The following PLPPR4 variants were observed in gnomAD, a reference collection of about 807,000 sequenced individuals.
The protein encoded by PLPPR4 is phospholipid phosphatase-related protein type 4.
PLPPR4 carries 24 observed loss-of-function variants against 56.6 expected under a neutral mutation model. The ratio of observed to expected loss-of-function variants is 0.42; its 90% CI spans 0.31 to 0.60. PLPPR4 has a LOEUF of 0.60. Among genes scored for constraint, PLPPR4 ranks in the 20% least tolerant of loss-of-function variants. PLPPR4 has a pLI of 0.13. For synonymous variants in PLPPR4, 326 were observed against 328.1 expected, an observed-to-expected ratio of 0.99 and a Z score of 0.07; for missense variants, 654 against 885.8, an observed-to-expected ratio of 0.74 and a Z score of 3.32.
intron 1 of PLPPR4, among the ~76,000 whole-genome samples, chr1:99,275,032 T>G (rs1294771058): frequency 6.6e-6 from 1 of 152,150 alleles, no homozygotes; most frequent in Non-Finnish European, 1.5e-5. Flanking sequence ...TTAAGGCAGT[T>G]GGATACACCC....
chr1:99,306,580 T>G lies in PLPPR4; in HGVS notation c.1718T>G (p.Val573Gly). 2 of 1,613,896 alleles carry G rather than the reference T, an allele frequency of 1.2e-6. No individual in the cohort carries two copies. The highest frequency in any genetic ancestry group is 1.7e-6 in the Non-Finnish European group (2 of 1,179,984). Residue 573 changes from valine to glycine, a missense_variant, in exon 7 of 7, where the codon GTG becomes GGG. Physicochemically the swap from Val to Gly is moderately radical, Grantham distance 109. This residue lies in a region of PLPPR4 where 468 missense variants were observed against 554.3 expected (regional missense o/e 0.84). Transcript: ENST00000370185. The surrounding 1 kb of genome is among the most constrained non-coding windows in gnomAD (Gnocchi z 4.0). ...TLTDHEPSGI[V>G]RVEAHPENNR... is the part of the protein sequence containing the mutation. ...ACAGACCATGAGCCCAGTGGGATAG[T>G]GAGGGTTGAGGCTCACCCAGAGAAC...
At chr1:99,269,061 T>C (rs539116221) in intron 1 of PLPPR4, among the ~76,000 whole-genome samples, 6 of 152,342 alleles carry the variant, frequency 3.9e-5, no homozygotes, top group South Asian at 2.1e-4. Flanking sequence ...TTTCTCCTAA[T>C]ACTATCCATC....
At position 99,306,501 on chromosome 1, in the gene PLPPR4, A is replaced by G. The variant is rs2100813925; in HGVS notation, c.1639A>G (p.Asn547Asp). ...QQGVLQSSPKNTEGSTVSCTG... is the reference protein window; with the variant it reads ...QQGVLQSSPKDTEGSTVSCTG... ...GGGTGTCCTCCAAAGCAGCCCCAAG[A>G]ACACTGAAGGCAGCACGGTCTCCTG... The change falls in exon 7 of 7, where the codon AAC (asparagine) becomes GAC (aspartate). Residue 547 changes from asparagine (N) to aspartate (D), a missense_variant. Transcript: ENST00000370185. This position sits in a 1 kb window ranked among gnomAD's most constrained non-coding sequence, Gnocchi z 4.0. 6.2e-7 allele frequency: 1 copy of G among 1,614,158 alleles called. No individual in the cohort carries two copies. The highest frequency in any genetic ancestry group is 1.3e-5 in the African/African-American group (1 of 75,036).
chr1:99,274,307 A>G (rs1302614375), intron 1 of PLPPR4, among the ~76,000 whole-genome samples: 1 of 152,094 alleles, frequency 6.6e-6, no homozygotes, highest in Non-Finnish European at 1.5e-5. Context: ...AGGTTAGAGT[A>G]ATTATGACCC....
At position 99,287,864 on chromosome 1, in the gene PLPPR4, C is replaced by T. The variant is rs540489977; in HGVS notation, c.79-101C>T. ...TATGAATGATTTTTAACTCTGGAAT[C>T]GGAGAAGAGTAGCGAGAGAAGGAGA... On this transcript the variant is annotated intron_variant, in intron 1 of 6. Coordinates refer to ENST00000370185, the MANE Select transcript of PLPPR4 (RefSeq NM_014839.5). 2.6e-4 allele frequency: 219 copies of T among 828,922 alleles called. No homozygotes were observed. In the East Asian group the frequency reaches 3.3e-3, roughly 13 times the overall value. 51.3% of individuals were successfully genotyped at this position (828,922 alleles called of 1,614,324 possible). A position where few individuals can be genotyped will look rare whatever the true frequency, so the allele number is the denominator to read the frequency against.
At chr1:99,293,469 T>A (rs1240506228) in intron 2 of PLPPR4, among the ~76,000 whole-genome samples, 1 of 152,142 alleles carries the variant, frequency 6.6e-6, no homozygotes, top group Non-Finnish European at 1.5e-5. Flanking sequence ...TTGGAGATTA[T>A]TTCTCAGAGA....
At position 99,305,841 on chromosome 1, in the gene PLPPR4, A is replaced by G; in HGVS notation, c.979A>G (p.Ile327Val). 6.2e-7 allele frequency: 1 copy of G among 1,614,168 alleles called. No homozygotes were observed. The highest frequency in any genetic ancestry group is 8.5e-7 in the Non-Finnish European group (1 of 1,180,030). The change falls in exon 7 of 7, where the codon ATC becomes GTC. Residue 327 changes from isoleucine to valine, a missense_variant. Physicochemically the swap from Ile to Val is conservative, Grantham distance 29. This residue lies in a region of PLPPR4 where 468 missense variants were observed against 554.3 expected (regional missense o/e 0.84). Coordinates refer to ENST00000370185, the MANE Select transcript of PLPPR4 (RefSeq NM_014839.5). ...SSDGIAHTEG[I>V]LNRNHRDASS... ...TGATGGAATTGCTCATACAGAAGGC[A>G]TCCTCAACCGAAACCACAGAGATGC...
intron 6 of PLPPR4, among the ~76,000 whole-genome samples, chr1:99,304,337 G>A (rs979585746): frequency 6.6e-6 from 1 of 152,170 alleles, no homozygotes; most frequent in African/African-American, 2.4e-5. Context: ...TAGAGCCTAG[G>A]TGTGTGGGAA....
rs1660010485 is a variant in PLPPR4 at position 99,305,842 on chromosome 1, T to A, written c.980T>A (p.Ile327Asn). The A allele has an allele frequency of 6.2e-7, 1 of 1,613,986 alleles. No homozygotes were observed. The change falls in exon 7 of 7, where the codon ATC becomes AAC. Residue 327 changes from isoleucine to asparagine, a missense_variant. Physicochemically the swap from Ile to Asn is moderately radical, Grantham distance 149. Around this residue, in one of 2 missense-constraint regions of PLPPR4, gnomAD observed 468 missense variants for 554.3 expected, o/e 0.84. Transcript: ENST00000370185. ...SSDGIAHTEGILNRNHRDASS... is the reference protein window; with the variant it reads ...SSDGIAHTEGNLNRNHRDASS... ...GATGGAATTGCTCATACAGAAGGCA[T>A]CCTCAACCGAAACCACAGAGATGCT... is the stretch of plus-strand genomic sequence containing the variant.
chr1:99,302,849 A>C (rs1477435925), intron 6 of PLPPR4, among the ~76,000 whole-genome samples: 1 of 151,070 alleles, frequency 6.6e-6, no homozygotes, highest in East Asian at 2.0e-4. Flanking sequence ...TGAGCTCATC[A>C]TTTTTTATGG....
chr1:99,269,138 A>G (rs1175077141), intron 1 of PLPPR4, among the ~76,000 whole-genome samples: 1 of 151,640 alleles, frequency 6.6e-6, no homozygotes, highest in Non-Finnish European at 1.5e-5. Context: ...ATGTGTTCTC[A>G]TTGTTCAGCT....
chr1:99,278,674 G>C (rs1184533981), intron 1 of PLPPR4, among the ~76,000 whole-genome samples: 1 of 152,138 alleles, frequency 6.6e-6, no homozygotes, highest in Admixed American at 6.6e-5. Flanking sequence ...GTTAAGTCTG[G>C]TGAGTGCAAA....
chr1:99,295,235 G>A (rs935697805), intron 2 of PLPPR4, among the ~76,000 whole-genome samples: 3 of 152,076 alleles, frequency 2.0e-5, no homozygotes, highest in Admixed American at 6.6e-5. Context: ...GTTCTACTAT[G>A]ATAATTACTC....
chr1:99,304,519 A>G (rs819920), intron 6 of PLPPR4, among the ~76,000 whole-genome samples: 17,477 of 152,222 alleles, frequency 0.11, 1,285 homozygotes, highest in African/African-American at 0.2. Context: ...AAATTTAAGT[A>G]CAATTATTAA....
chr1:99,277,533 C>T (rs1220669858), intron 1 of PLPPR4, among the ~76,000 whole-genome samples: 3 of 152,134 alleles, frequency 2.0e-5, no homozygotes, highest in Non-Finnish European at 4.4e-5. Flanking sequence ...TGGGCTTTAT[C>T]TTCAACATCA....
chr1:99,306,691 G>C lies in PLPPR4; in HGVS notation c.1829G>C (p.Arg610Pro). Reference protein sequence around the residue: ...KWKAPEKGSLRQTYELNDLNR... With the variant: ...KWKAPEKGSLPQTYELNDLNR... ...AAAGCCCCTGAAAAGGGCAGCCTTC[G>C]CCAAACTTACGAGCTCAACGATCTC... Residue 610 changes from arginine to proline, a missense_variant, in exon 7 of 7, where the codon CGC (arginine) becomes CCC (proline). Coordinates refer to ENST00000370185, the MANE Select transcript of PLPPR4 (RefSeq NM_014839.5). The surrounding 1 kb of genome is among the most constrained non-coding windows in gnomAD (Gnocchi z 4.0). 6.2e-7 allele frequency: 1 copy of C among 1,614,050 alleles called. No individual in the cohort carries two copies. The highest frequency in any genetic ancestry group is 8.5e-7 in the Non-Finnish European group (1 of 1,180,018).
intron 6 of PLPPR4, among the ~76,000 whole-genome samples, chr1:99,303,029 A>G (rs1261877000): frequency 6.6e-6 from 1 of 152,180 alleles, no homozygotes; most frequent in Admixed American, 6.6e-5. Context: ...ACGATATAAC[A>G]GGGTATGAAC....
intron 2 of PLPPR4, among the ~76,000 whole-genome samples, chr1:99,289,742 ACATACCTT>A (rs1659567973): frequency 2.0e-5 from 3 of 152,294 alleles, no homozygotes; most frequent in African/African-American, 4.8e-5. Context: ...ATAAAATTTG[ACATACCTT>A]CATGTTAAAA....
At chr1:99,296,319 C>A (rs898833599) in intron 2 of PLPPR4, among the ~76,000 whole-genome samples, 2 of 152,130 alleles carry the variant, frequency 1.3e-5, no homozygotes, top group African/African-American at 4.8e-5. Context: ...TGATCAATAC[C>A]TACATATGGG....
Sources: gnomAD v4.1 joint callset for allele counts (sites outside exome capture counted in the v4.1 genomes callset) on GRCh38, gnomAD v4.1.1 for gene constraint, gnomAD v4.1.1 regional missense constraint, Gnocchi (gnomAD v3.1) non-coding constraint, MANE v1.5 for transcripts, NCBI Gene and HGNC (gene_info 2026-07-23, HGNC 2026-07-21) for gene names.